Variants in NELL1 observed in about 807,000 individuals in gnomAD.
The protein encoded by NELL1 is protein kinase C-binding protein NELL1.
NELL1 carries 76 observed loss-of-function variants against 107.4 expected under a neutral mutation model. The observed-to-expected ratio is 0.71, with a 90% CI of 0.59 to 0.86. The LOEUF is 0.86. NELL1 is among the 40% of genes least tolerant of loss of function. NELL1 has a pLI of 0.00. For synonymous variants in NELL1, 353 were observed against 341.2 expected (o/e 1.03, Z -0.38); for missense variants, 1,024 against 1,005.5 (o/e 1.02, Z -0.25).
chr11:21,349,072 G>T (rs1305919247), intron 14 of NELL1, among the ~76,000 whole-genome samples: 1 of 152,090 alleles, frequency 6.6e-6, no homozygotes, highest in Non-Finnish European at 1.5e-5. Context: ...AGCACAAAAG[G>T]TCATTTGGCA....
chr11:20,904,537 G>A (rs1849950784), intron 5 of NELL1, among the ~76,000 whole-genome samples: 1 of 152,074 alleles, frequency 6.6e-6, no homozygotes, highest in African/African-American at 2.4e-5. Flanking sequence ...CTGGAAAAAG[G>A]GTTTCTTTGG....
intron 2 of NELL1, among the ~76,000 whole-genome samples, chr11:20,749,347 C>A (rs964662471): frequency 2.0e-5 from 3 of 152,020 alleles, no homozygotes; most frequent in African/African-American, 7.2e-5. Flanking sequence ...CGTCTGTAAT[C>A]CCAGCACTTT....
intron 12 of NELL1, among the ~76,000 whole-genome samples, chr11:20,989,735 G>C (rs1054748527): frequency 7.2e-5 from 11 of 152,156 alleles, no homozygotes; most frequent in African/African-American, 2.4e-4. Context: ...GCTCACACCT[G>C]TAATCACAGC....
Position 21,229,437 on chromosome 11 carries a change from A to G in NELL1, c.1532A>G (p.Asn511Ser). The G allele has an allele frequency of 5.6e-6, 9 of 1,613,440 alleles. No individual in the cohort carries two copies. The highest frequency in any genetic ancestry group is 7.6e-6 in the Non-Finnish European group (9 of 1,179,590). The change falls in exon 14 of 20, where the codon AAC becomes AGC. Residue 511 changes from asparagine to serine, a missense_variant. By Grantham distance (46) the Asn-to-Ser change is conservative. Coordinates refer to ENST00000357134, the MANE Select transcript of NELL1 (RefSeq NM_006157.5). Reference protein sequence around the residue: ...SCTCKPGYVGNGTICRAFCEE... With the variant: ...SCTCKPGYVGSGTICRAFCEE... ...ACCTGCAAACCGGGCTACGTGGGGA[A>G]CGGGACCATCTGCAGAGGTAGGCTT... is the stretch of plus-strand genomic sequence containing the variant.
At chr11:21,479,808 C>T (rs928564723) in intron 15 of NELL1, among the ~76,000 whole-genome samples, 1 of 152,074 alleles carries the variant, frequency 6.6e-6, no homozygotes, top group Non-Finnish European at 1.5e-5. Context: ...CATATAAATA[C>T]ACAAAACTAC....
Position 21,560,357 on chromosome 11 carries a change from A to G in NELL1, c.1955A>G (p.Asp652Gly), listed in dbSNP as rs1350364395. The part of the protein sequence containing the change: ...HNGQVWTLKE[D>G]RCSVCSCKDG... ...GGCCAGGTGTGGACCTTGAAAGAAG[A>G]CAGGTGTTCTGTCTGCTCCTGCAAG... Residue 652 changes from aspartate (D) to glycine (G), a missense_variant, in exon 17 of 20, where the codon GAC becomes GGC. Asp to Gly is a moderately conservative substitution (Grantham distance 94, BLOSUM62 -1). Coordinates refer to ENST00000357134, the MANE Select transcript of NELL1 (RefSeq NM_006157.5). The G allele has an allele frequency of 1.3e-6, 2 of 1,597,610 alleles. No individual in the cohort carries two copies. Among genetic ancestry groups the G allele is most frequent in the Non-Finnish European group, 1.7e-6 (2 of 1,172,486 alleles).
intron 12 of NELL1, among the ~76,000 whole-genome samples, chr11:21,034,789 G>A (rs1853048099): frequency 6.6e-6 from 1 of 152,046 alleles, no homozygotes; most frequent in Admixed American, 6.6e-5. Context: ...ACATCAAAAA[G>A]CTAGAAAGAT....
At chr11:21,565,765 T>C (rs540485127) in intron 17 of NELL1, among the ~76,000 whole-genome samples, 53 of 152,092 alleles carry the variant, frequency 3.5e-4, no homozygotes, top group African/African-American at 1.0e-3. Flanking sequence ...CATTTGCCTC[T>C]CTGGGCTTGG....
At chr11:20,955,142 T>G (rs1340026505) in intron 11 of NELL1, among the ~76,000 whole-genome samples, 1 of 152,100 alleles carries the variant, frequency 6.6e-6, no homozygotes, top group African/African-American at 2.4e-5. Context: ...ACCCCTTTGG[T>G]AGGAAAAAAC....
intron 3 of NELL1, among the ~76,000 whole-genome samples, chr11:20,832,123 T>C (rs1858023901): frequency 6.6e-6 from 1 of 152,220 alleles, no homozygotes; most frequent in Non-Finnish European, 1.5e-5. Context: ...AGATATTTAC[T>C]ACATAGCCCT....
intron 12 of NELL1, among the ~76,000 whole-genome samples, chr11:21,091,059 A>G (rs1854508859): frequency 6.6e-6 from 1 of 152,222 alleles, no homozygotes; most frequent in Non-Finnish European, 1.5e-5. Flanking sequence ...TCTGGCACAT[A>G]ATAGGTGTTT....
chr11:21,378,717 ATTTT>A lies in NELL1; in HGVS notation c.1645+7784_1645+7787del, dbSNP rs11306401. Among the ~76,000 whole-genome samples, 733 of 136,680 alleles carry A rather than the reference ATTTT, an allele frequency of 5.4e-3. 11 individuals carry two copies. Among genetic ancestry groups the A allele is most frequent in the African/African-American group, 0.018 (662 of 36,786 alleles). The allele number at this position is 136,680 out of a possible 152,430, so 89.7% of individuals were successfully genotyped here. The stretch of plus-strand genomic sequence containing the variant: ...AAGACTTAGACACACACACTTGTAC[ATTTT>A]TTTTTTTTTTTTTTGAGACAGAGTC... On this transcript the variant is annotated intron_variant, in intron 15 of 19. Transcript: ENST00000357134.
intron 2 of NELL1, among the ~76,000 whole-genome samples, chr11:20,705,666 G>A (rs546717148): frequency 7.0e-6 from 1 of 143,420 alleles, no homozygotes; most frequent in African/African-American, 2.6e-5. Context: ...TTGACAAATG[G>A]GATCTAATTA....
In NELL1 at chr11:21,141,352, G is replaced by C. The variant is rs75294352; in HGVS notation, c.1426+27638G>C. ...CCTCAGCTCTGTAGGTTTTCTCTAA[G>C]CATCTAGAGCTGGAAGATTTCTTTG... On this transcript the variant is annotated intron_variant, in intron 13 of 19. Transcript: ENST00000357134. Among the ~76,000 whole-genome samples the C allele has an allele frequency of 9.4e-3, 1,438 of 152,292 alleles. 61 individuals are homozygous for C. The East Asian group carries it at 0.11, about 12-fold the overall frequency.
chr11:20,768,337 T>G (rs1275220441), intron 2 of NELL1, among the ~76,000 whole-genome samples: 1 of 152,180 alleles, frequency 6.6e-6, no homozygotes, highest in African/African-American at 2.4e-5. Flanking sequence ...AAAGGCCCCT[T>G]GGATCAAACA....
At chr11:21,145,037 T>A (rs934576866) in intron 13 of NELL1, among the ~76,000 whole-genome samples, 13 of 152,288 alleles carry the variant, frequency 8.5e-5, no homozygotes, top group Admixed American at 2.6e-4. Flanking sequence ...CATAGGGTTG[T>A]TGTGATGATT....
At chr11:21,429,522 A>G (rs1852915727) in intron 15 of NELL1, among the ~76,000 whole-genome samples, 1 of 152,158 alleles carries the variant, frequency 6.6e-6, no homozygotes, top group Admixed American at 6.6e-5. Flanking sequence ...GGCTGTAAAC[A>G]CCCCACCTTC....
intron 15 of NELL1, among the ~76,000 whole-genome samples, chr11:21,406,789 G>A (rs1312010329): frequency 6.6e-6 from 1 of 151,850 alleles, no homozygotes. Flanking sequence ...AGTATTTAGG[G>A]TATCCCTCAC....
chr11:20,964,597 C>T (rs1851353409), intron 12 of NELL1, among the ~76,000 whole-genome samples: 1 of 152,092 alleles, frequency 6.6e-6, no homozygotes, highest in Non-Finnish European at 1.5e-5. Context: ...AAAAGATGAT[C>T]CTCAACTCAT....
Sources: gnomAD v4.1 joint callset for allele counts (sites outside exome capture counted in the v4.1 genomes callset) on GRCh38, gnomAD v4.1.1 for gene constraint, MANE v1.5 for transcripts, NCBI Gene and HGNC (gene_info 2026-07-23, HGNC 2026-07-21) for gene names.